DLG5: variants seen among roughly 807,000 people sequenced by gnomAD.
DLG5 encodes disks large homolog 5.
Under a neutral mutation model 189.8 loss-of-function variants are expected in DLG5, and 48 were observed. That is an observed-to-expected ratio of 0.25 (90% confidence interval 0.20 to 0.32). DLG5 has a LOEUF of 0.32. Among genes scored for constraint, DLG5 ranks in the 10% least tolerant of loss-of-function variants. DLG5 has a pLI of 1.00. For synonymous variants in DLG5, 1,016 were observed against 1,054.1 expected, an observed-to-expected ratio of 0.96 and a Z score of 0.70; for missense variants, 2,160 against 2,544.7, an observed-to-expected ratio of 0.85 and a Z score of 3.25.
At chr10:77,810,012 C>T (rs567812349) in intron 23 of DLG5, among the ~76,000 whole-genome samples, 1 of 152,332 alleles carries the variant, frequency 6.6e-6, no homozygotes, top group Admixed American at 6.5e-5. Context: ...AATCTCATGC[C>T]TTAAAGATCA....
Position 77,812,366 on chromosome 10 carries a change from T to A in DLG5, c.4037A>T (p.Glu1346Val), listed in dbSNP as rs755004684. ...GERRKDRPYV[E>V]EPRHVKVQKG... ...CTGCACCTTCACGTGGCGTGGCTCC[T>A]CCACATAAGGCCTAAGGAAAAGTCA... Residue 1346 changes from glutamate to valine, a missense_variant, in exon 21 of 32, where the codon GAG (glutamate) becomes GTG (valine). This residue lies in a region of DLG5 where 754 missense variants were observed against 746.5 expected (regional missense o/e 1.01). Coordinates refer to ENST00000372391, the MANE Select transcript of DLG5 (RefSeq NM_004747.4). 13 of 1,612,112 alleles carry A rather than the reference T, an allele frequency of 8.1e-6. No individual in the cohort carries two copies. The highest frequency in any genetic ancestry group is 1.1e-5 in the Non-Finnish European group (13 of 1,178,442).
intron 1 of DLG5, among the ~76,000 whole-genome samples, chr10:77,871,536 CTTTTTTTT>C (rs34326711): frequency 3.6e-5 from 3 of 83,886 alleles, no homozygotes; most frequent in South Asian, 9.2e-4. Flanking sequence ...AAGCATCACA[CTTTTTTTT>C]TTTTTTTTTT....
chr10:77,817,650 G>T, intron 18 of DLG5, 127 bp downstream of exon 18: 1 of 757,242 alleles, frequency 1.3e-6, no homozygotes, highest in South Asian at 1.8e-5. Flanking sequence ...GTAGAGAAAT[G>T]AGCTCAGTCC....
At chr10:77,830,658 A>T in intron 10 of DLG5, 83 bp downstream of exon 10, 1 of 1,557,626 alleles carries the variant, frequency 6.4e-7, no homozygotes, top group Admixed American at 1.8e-5. Flanking sequence ...TGGAGTGGTG[A>T]AACTGGGAGA....
intron 3 of DLG5, 47 bp from the exon 4 acceptor site, chr10:77,854,417 A>G: frequency 6.2e-7 from 1 of 1,607,900 alleles, no homozygotes. Context: ...CCCAGGATTC[A>G]CACGGATAGA....
intron 1 of DLG5, among the ~76,000 whole-genome samples, chr10:77,876,043 T>C (rs971736890): frequency 6.6e-6 from 1 of 152,104 alleles, no homozygotes; most frequent in African/African-American, 2.4e-5. Flanking sequence ...ATGCGCCTTA[T>C]ATGCCACCCG....
chr10:77,809,886 T>C (rs1166351025), intron 23 of DLG5, among the ~76,000 whole-genome samples, 156 bp from the exon 24 acceptor site: 1 of 152,090 alleles, frequency 6.6e-6, no homozygotes, highest in African/African-American at 2.4e-5. Context: ...TGGCTCGGCG[T>C]TCGGGACAGG....
Position 77,812,248 on chromosome 10 carries a change from C to T in DLG5, c.4155G>A (p.Gln1385=), listed in dbSNP as rs1403922108. 1 of 1,613,946 alleles carries T rather than the reference C, an allele frequency of 6.2e-7. No homozygotes were observed. The highest frequency in any genetic ancestry group is 1.3e-5 in the African/African-American group (1 of 74,930). The part of the protein sequence containing the change: ...SKVTVGSIAH[Q]AGLEYGDQLL... ...ACTGATCCCCATACTCGAGGCCAGC[C>T]TGGTGAGCGATGCTCCCCACGGTCA... is the stretch of plus-strand genomic sequence containing the variant. The change falls in exon 21 of 32, where the codon CAG becomes CAA. Residue 1385 remains glutamine (Q), a synonymous_variant. Coordinates refer to ENST00000372391, the MANE Select transcript of DLG5 (RefSeq NM_004747.4).
At chr10:77,822,634 C>T (rs1842427639) in intron 14 of DLG5, among the ~76,000 whole-genome samples, 1 of 152,118 alleles carries the variant, frequency 6.6e-6, no homozygotes, top group Non-Finnish European at 1.5e-5. Context: ...CACAATGAGA[C>T]TCTGTCTCAA....
chr10:77,823,421 T>G (rs1842463192), intron 14 of DLG5, among the ~76,000 whole-genome samples: 1 of 152,344 alleles, frequency 6.6e-6, no homozygotes, highest in South Asian at 2.1e-4. Context: ...TGTCCATAAA[T>G]GTACCATCTA....
chr10:77,839,183 C>T (rs1446470840), intron 7 of DLG5, among the ~76,000 whole-genome samples: 4 of 152,322 alleles, frequency 2.6e-5, no homozygotes, highest in Admixed American at 2.6e-4. Context: ...TTTCTACAAA[C>T]AGTCTTCACG....
At chr10:77,799,342 G>T (rs1019313320) in intron 27 of DLG5, among the ~76,000 whole-genome samples, 7 of 152,180 alleles carry the variant, frequency 4.6e-5, no homozygotes, top group Non-Finnish European at 7.3e-5. Flanking sequence ...CTTTGGAGAC[G>T]GAGTCTTCAG....
chr10:77,873,448 G>A lies in DLG5; in HGVS notation c.305-4251C>T, dbSNP rs978239709. Among the ~76,000 whole-genome samples the A allele has an allele frequency of 1.3e-3, 204 of 152,078 alleles. 1 individual carries two copies. Among genetic ancestry groups the A allele is most frequent in the African/African-American group, 4.6e-3 (192 of 41,422 alleles). The stretch of plus-strand genomic sequence containing the variant: ...TGGTGACCCTCTGGGACTGGCCCAC[G>A]GGCACTGTCTGTGTCCTTTCCAAGA... On this transcript the variant is annotated intron_variant, in intron 1 of 31. Coordinates refer to ENST00000372391, the MANE Select transcript of DLG5 (RefSeq NM_004747.4).
chr10:77,843,819 G>A (rs905886957), intron 5 of DLG5, 113 bp from the exon 6 acceptor site: 7 of 1,424,044 alleles, frequency 4.9e-6, no homozygotes, highest in Non-Finnish European at 6.8e-6. Context: ...CGGTTGGGGG[G>A]AGGGGGTTAC....
chr10:77,877,857 A>AGCAGGGCCAGCC (rs71030914), intron 1 of DLG5, among the ~76,000 whole-genome samples: 2 of 151,900 alleles, frequency 1.3e-5, no homozygotes, highest in Non-Finnish European at 1.5e-5. Flanking sequence ...GAAGGAGTGG[A>AGCAGGGCCAGCC]GCAGCGCCTC....
chr10:77,875,500 T>G (rs1845055650), intron 1 of DLG5, among the ~76,000 whole-genome samples: 1 of 137,120 alleles, frequency 7.3e-6, no homozygotes. Flanking sequence ...TCCACCCAAG[T>G]GGGAAGAAAG....
chr10:77,811,850 C>T (rs932627684), intron 22 of DLG5, 74 bp downstream of exon 22: 24 of 1,497,558 alleles, frequency 1.6e-5, no homozygotes, highest in Non-Finnish European at 2.0e-5. Flanking sequence ...CTGGGTCTCC[C>T]TAAAATGAGC....
intron 2 of DLG5, among the ~76,000 whole-genome samples, chr10:77,860,317 G>A (rs2154576856): frequency 6.6e-6 from 1 of 152,264 alleles, no homozygotes; most frequent in South Asian, 2.1e-4. Flanking sequence ...GTTTTTTTGA[G>A]ACAGAGTTTC....
chr10:77,904,781 C>A (rs201378272), intron 1 of DLG5, among the ~76,000 whole-genome samples: 29 of 145,522 alleles, frequency 2.0e-4, no homozygotes, highest in Admixed American at 1.1e-3. Context: ...AAAAAAAAAA[C>A]AAAAACATGT....
Sources: gnomAD v4.1 joint callset for allele counts (sites outside exome capture counted in the v4.1 genomes callset) on GRCh38, gnomAD v4.1.1 for gene constraint, gnomAD v4.1.1 regional missense constraint, MANE v1.5 for transcripts, NCBI Gene and HGNC (gene_info 2026-07-23, HGNC 2026-07-21) for gene names.